LMNB1: variants seen among roughly 807,000 people sequenced by gnomAD.
LMNB1 encodes lamin-B1.
Under a neutral mutation model 67.1 loss-of-function variants are expected in LMNB1, and 23 were observed. That is an observed-to-expected ratio of 0.34 (90% CI 0.25 to 0.49). The LOEUF (loss-of-function observed/expected upper bound fraction) is 0.49, where lower values mean the gene tolerates loss of function less well. Ranked by LOEUF, LMNB1 falls within the 20% of genes least tolerant of loss-of-function variation. The pLI is 0.99. For synonymous variants in LMNB1, 281 were observed against 282.9 expected (o/e 0.99, Z 0.07); for missense variants, 634 against 746.5 (o/e 0.85, Z 1.76).
intron 9 of LMNB1, among the ~76,000 whole-genome samples, chr5:126,828,308 AT>A (rs1168005993): frequency 2.7e-5 from 4 of 149,470 alleles, no homozygotes; most frequent in African/African-American, 4.9e-5. Flanking sequence ...TATTTATGTC[AT>A]TTTTTTTTTC....
At chr5:126,798,780 T>TGTGTGTGTGTGTGC (rs1314378520) in intron 1 of LMNB1, among the ~76,000 whole-genome samples, 3 of 151,894 alleles carry the variant, frequency 2.0e-5, no homozygotes, top group Non-Finnish European at 4.4e-5. Context: ...TGTGTGTGTG[T>TGTGTGTGTGTGTGC]GTGTGCGTGT....
In LMNB1 at chr5:126,811,817, C is replaced by T. The variant is rs750590569; in HGVS notation, c.858C>T (p.Val286=). The T allele has an allele frequency of 9.9e-6, 16 of 1,612,348 alleles. No homozygotes were observed. The South Asian group carries it at 1.6e-4, about 17-fold the overall frequency. ...RLSSEMNTST[V]NSAREELMES... is the part of the protein sequence containing the mutation. The stretch of plus-strand genomic sequence containing the variant: ...CATCAGAGATGAATACTTCTACTGT[C>T]AACAGTGCCAGGGAAGAACTGATGG... Residue 286 remains valine, a synonymous_variant, in exon 5 of 11, where the codon GTC becomes GTT. Transcript: ENST00000261366.
intron 1 of LMNB1, among the ~76,000 whole-genome samples, chr5:126,801,740 G>T (rs1315049528): frequency 6.6e-6 from 1 of 152,180 alleles, no homozygotes; most frequent in African/African-American, 2.4e-5. Context: ...TATCATTCTT[G>T]CTGGACCATT....
At chr5:126,789,600 T>G (rs1006728286) in intron 1 of LMNB1, among the ~76,000 whole-genome samples, 4 of 152,198 alleles carry the variant, frequency 2.6e-5, no homozygotes, top group Admixed American at 2.0e-4. Context: ...TTTACTCCTC[T>G]TTAGCCATGA....
rs994346608 is a variant in LMNB1, at chr5:126,777,485, G to T, written c.-24G>T. 1.5e-6 allele frequency: 2 copies of T among 1,311,228 alleles called. No individual in the cohort carries two copies. Among genetic ancestry groups the T allele is most frequent in the African/African-American group, 1.6e-5 (1 of 64,458 alleles). The allele number at this position is 1,311,228 out of a possible 1,614,324, so 81.2% of individuals were successfully genotyped here. ...TCACGGTCCCGCTCGCGGCCTCGCCGCCCCGCTGTCTCCGCCGCCCGCCAT... is the reference window on the plus strand; with the variant it reads ...TCACGGTCCCGCTCGCGGCCTCGCCTCCCCGCTGTCTCCGCCGCCCGCCAT... On this transcript the variant is annotated 5_prime_UTR_variant, in exon 1 of 11. Transcript: ENST00000261366.
rs188815673 is a variant in LMNB1 at position 126,831,942 on chromosome 5, T to C, written c.1612-752T>C. 9.2e-5 allele frequency among the ~76,000 whole-genome samples: 14 copies of C among 152,268 alleles called. No individual in the cohort carries two copies. In the East Asian group the frequency reaches 9.6e-4, roughly 10 times the overall value. Reference sequence around the variant, plus strand: ...TTTAGTAACCAGAAAGTTACTGATATACAGCTCCCCCCGCCCCACCCCTTT... The same window carrying C: ...TTTAGTAACCAGAAAGTTACTGATACACAGCTCCCCCCGCCCCACCCCTTT... On this transcript the variant is annotated intron_variant, in intron 9 of 10. Coordinates refer to ENST00000261366, the MANE Select transcript of LMNB1 (RefSeq NM_005573.4).
At chr5:126,782,508 T>C (rs1373577313) in intron 1 of LMNB1, among the ~76,000 whole-genome samples, 2 of 152,172 alleles carry the variant, frequency 1.3e-5, no homozygotes, top group Non-Finnish European at 2.9e-5. Context: ...TTTTAGGTTT[T>C]CAAACTCTGG....
At chr5:126,835,600 T>C (rs577303998) in intron 10 of LMNB1, among the ~76,000 whole-genome samples, 12 of 152,362 alleles carry the variant, frequency 7.9e-5, no homozygotes, top group Non-Finnish European at 1.8e-4. Flanking sequence ...CAAATTGAGC[T>C]GCACATTAGA....
intron 1 of LMNB1, among the ~76,000 whole-genome samples, chr5:126,800,481 T>A (rs918054860): frequency 1.3e-5 from 2 of 150,648 alleles, no homozygotes; most frequent in African/African-American, 4.9e-5. Context: ...AGTCCGAGGC[T>A]CAGAAGGTCT....
chr5:126,823,480 G>A (rs1751919075), intron 8 of LMNB1, among the ~76,000 whole-genome samples: 1 of 152,098 alleles, frequency 6.6e-6, no homozygotes, highest in Non-Finnish European at 1.5e-5. Flanking sequence ...AGAGAAGTAT[G>A]TTTCATTGAG....
At chr5:126,789,490 G>GGACA (rs2112931573) in intron 1 of LMNB1, among the ~76,000 whole-genome samples, 1 of 151,802 alleles carries the variant, frequency 6.6e-6, no homozygotes, top group East Asian at 1.9e-4. Flanking sequence ...TGGCAATCTG[G>GGACA]GACATATTTG....
At chr5:126,787,671 G>A (rs188049243) in intron 1 of LMNB1, among the ~76,000 whole-genome samples, 35 of 149,470 alleles carry the variant, frequency 2.3e-4, no homozygotes, top group African/African-American at 7.6e-4. Flanking sequence ...CTGCCTCAGC[G>A]TCCCAAGTAG....
At chr5:126,820,052 G>T (rs546314373) in intron 6 of LMNB1, among the ~76,000 whole-genome samples, 169 of 152,174 alleles carry the variant, frequency 1.1e-3, no homozygotes, top group Non-Finnish European at 1.8e-3. Flanking sequence ...GGCTGAGACA[G>T]AATTGCTTGA....
At chr5:126,811,049 C>T (rs1751566982) in intron 4 of LMNB1, among the ~76,000 whole-genome samples, 2 of 152,190 alleles carry the variant, frequency 1.3e-5, no homozygotes, top group Non-Finnish European at 2.9e-5. Context: ...CATTGCATGG[C>T]TTTAAACTGT....
At chr5:126,805,008 T>C in intron 2 of LMNB1, 76 bp downstream of exon 2, 1 of 1,199,002 alleles carries the variant, frequency 8.3e-7, no homozygotes, top group Non-Finnish European at 1.2e-6. Context: ...GTTTGATTGA[T>C]TGATTGATTT....
At chr5:126,812,905 A>G (rs955400921) in intron 5 of LMNB1, among the ~76,000 whole-genome samples, 3 of 151,362 alleles carry the variant, frequency 2.0e-5, no homozygotes, top group Non-Finnish European at 4.4e-5. Context: ...TAATTTTTGT[A>G]TTTTTAGTAG....
chr5:126,782,274 T>G (rs568240170), intron 1 of LMNB1, among the ~76,000 whole-genome samples: 155 of 152,362 alleles, frequency 1.0e-3, no homozygotes, highest in African/African-American at 3.6e-3. Context: ...GGGCCAGATG[T>G]GCTTTGGAAG....
chr5:126,809,842 G>A (rs1031775759), intron 3 of LMNB1, among the ~76,000 whole-genome samples: 1 of 152,142 alleles, frequency 6.6e-6, no homozygotes, highest in Non-Finnish European at 1.5e-5. Context: ...TTTTTGCTTA[G>A]TGTTTAGTAT....
intron 5 of LMNB1, among the ~76,000 whole-genome samples, chr5:126,813,907 T>G (rs1402912403): frequency 6.6e-6 from 1 of 152,222 alleles, no homozygotes; most frequent in Admixed American, 6.5e-5. Context: ...TGTTTTTTTT[T>G]CTTCTGAGAC....
Sources: gnomAD v4.1 joint callset for allele counts (sites outside exome capture counted in the v4.1 genomes callset) on GRCh38, gnomAD v4.1.1 for gene constraint, MANE v1.5 for transcripts, NCBI Gene and HGNC (gene_info 2026-07-23, HGNC 2026-07-21) for gene names.